RNF115: variants seen among roughly 807,000 people sequenced by gnomAD.
RNF115 encodes the protein E3 ubiquitin-protein ligase RNF115.
Under a neutral mutation model 39.2 loss-of-function variants are expected in RNF115, and 31 were observed. That is an observed-to-expected ratio of 0.79 (90% CI 0.59 to 1.07). RNF115 has a LOEUF of 1.07. Among genes scored for constraint, RNF115 ranks in the 50% least tolerant of loss-of-function variants. The pLI, the probability that RNF115 is intolerant of heterozygous loss-of-function variation, is 0.00. For synonymous variants in RNF115, 124 were observed against 131.0 expected (o/e 0.95, Z 0.37); for missense variants, 384 against 381.7 (o/e 1.01, Z -0.05).
At chr1:145,783,681 G>C (rs1030104762) in intron 3 of RNF115, among the ~76,000 whole-genome samples, 9 of 151,890 alleles carry the variant, frequency 5.9e-5, no homozygotes, top group Non-Finnish European at 1.3e-4. Flanking sequence ...GGCAATATAG[G>C]GTACACATAC....
intron 1 of RNF115, among the ~76,000 whole-genome samples, chr1:145,793,764 T>C (rs1448157189): frequency 9.2e-5 from 14 of 151,778 alleles, no homozygotes; most frequent in Non-Finnish European, 8.8e-5. Flanking sequence ...TTCCCACATC[T>C]ACATACTCCT....
At chr1:145,777,367 A>G (rs184305030) in intron 3 of RNF115, among the ~76,000 whole-genome samples, 2 of 152,342 alleles carry the variant, frequency 1.3e-5, no homozygotes, top group East Asian at 3.9e-4. Context: ...TAAAGGATCC[A>G]TGCTTAAAAA....
chr1:145,747,892 G>A, intron 8 of RNF115, 103 bp downstream of exon 8: 1 of 822,968 alleles, frequency 1.2e-6, no homozygotes, highest in Non-Finnish European at 2.1e-6. Context: ...AGTAAGCCAG[G>A]GATTTATGGG....
chr1:145,748,953 A>G (rs1447155794), intron 7 of RNF115, among the ~76,000 whole-genome samples: 2 of 152,160 alleles, frequency 1.3e-5, no homozygotes, highest in Admixed American at 6.5e-5. Flanking sequence ...ATACCAGAAA[A>G]GCTATACCAG....
chr1:145,814,199 G>A (rs1176106034), intron 1 of RNF115, among the ~76,000 whole-genome samples: 14 of 151,956 alleles, frequency 9.2e-5, no homozygotes, highest in African/African-American at 2.9e-4. Context: ...GGTGGAAGCC[G>A]CAGTGAGCCG....
chr1:145,777,136 T>C (rs1372766161), intron 3 of RNF115, among the ~76,000 whole-genome samples: 2 of 152,204 alleles, frequency 1.3e-5, no homozygotes, highest in African/African-American at 2.4e-5. Context: ...AGGTGAATTA[T>C]AAGAAATCTA....
At chr1:145,802,312 C>T (rs1419734008) in intron 1 of RNF115, among the ~76,000 whole-genome samples, 1 of 152,084 alleles carries the variant, frequency 6.6e-6, no homozygotes, top group Non-Finnish European at 1.5e-5. Context: ...TGCTTACCCA[C>T]TTAAAAGAAC....
At chr1:145,802,468 A>G (rs587767736) in intron 1 of RNF115, among the ~76,000 whole-genome samples, 4 of 152,278 alleles carry the variant, frequency 2.6e-5, no homozygotes, top group African/African-American at 9.6e-5. Flanking sequence ...ACAAATTCAG[A>G]CCTATTTATA....
intron 4 of RNF115, among the ~76,000 whole-genome samples, chr1:145,765,348 C>A: frequency 6.6e-6 from 1 of 151,982 alleles, no homozygotes; most frequent in Middle Eastern, 3.4e-3. Flanking sequence ...ATCTGCTGAC[C>A]TTCCCTCCAC....
At chr1:145,760,791 C>A (rs1553713732) in intron 4 of RNF115, among the ~76,000 whole-genome samples, 1 of 152,140 alleles carries the variant, frequency 6.6e-6, no homozygotes, top group Non-Finnish European at 1.5e-5. Flanking sequence ...GTGGAATTGA[C>A]TTTGGAACTA....
intron 4 of RNF115, among the ~76,000 whole-genome samples, chr1:145,765,798 T>C (rs1379571610): frequency 2.6e-5 from 4 of 152,182 alleles, no homozygotes; most frequent in Non-Finnish European, 5.9e-5. Flanking sequence ...ACTGAATAAA[T>C]ATTTGCAGAA....
intron 1 of RNF115, among the ~76,000 whole-genome samples, chr1:145,790,779 C>T: frequency 6.6e-6 from 1 of 151,958 alleles, no homozygotes; most frequent in East Asian, 1.9e-4. Context: ...TTCTTCAAAT[C>T]TAACAAAAAA....
chr1:145,759,446 C>T (rs1458289730), intron 4 of RNF115, among the ~76,000 whole-genome samples: 1 of 152,094 alleles, frequency 6.6e-6, no homozygotes, highest in African/African-American at 2.4e-5. Context: ...TGTTTTCAGG[C>T]CAAAAACCTT....
chr1:145,797,497 T>A (rs782641460), intron 1 of RNF115, among the ~76,000 whole-genome samples: 1 of 152,220 alleles, frequency 6.6e-6, no homozygotes, highest in Non-Finnish European at 1.5e-5. Context: ...TATTTCCTTT[T>A]TAAAGCTAAA....
intron 3 of RNF115, among the ~76,000 whole-genome samples, chr1:145,781,447 T>C (rs1437555891): frequency 1.3e-5 from 2 of 152,208 alleles, no homozygotes; most frequent in African/African-American, 4.8e-5. Context: ...AGCTTATGAA[T>C]ACTATTTTGA....
intron 1 of RNF115, among the ~76,000 whole-genome samples, chr1:145,809,460 T>C (rs1323998612): frequency 2.8e-4 from 40 of 143,226 alleles, no homozygotes; most frequent in Middle Eastern, 7.4e-3. Context: ...AGATTATAGG[T>C]GTGCGCCACT....
At chr1:145,778,802 T>C (rs1647992093) in intron 3 of RNF115, among the ~76,000 whole-genome samples, 2 of 152,202 alleles carry the variant, frequency 1.3e-5, no homozygotes, top group African/African-American at 4.8e-5. Flanking sequence ...GATTAGTGAA[T>C]AGCAAAGTCT....
rs782402926 is a variant in RNF115, at chr1:145,742,587, GCT to G, written c.*4277_*4278del. 11 of 152,262 alleles carry G rather than the reference GCT, an allele frequency of 7.2e-5. 1 individual carries two copies. Among genetic ancestry groups the G allele is most frequent in the East Asian group, 5.8e-4 (3 of 5,180 alleles). 9.4% of individuals were successfully genotyped at this position (152,262 alleles called of 1,614,324 possible). A position where few individuals can be genotyped will look rare whatever the true frequency, so the allele number is the denominator to read the frequency against. ...GAGAGAATCAGACTGTGAGGCTCCA[GCT>G]CTCTTCTGTATCCCTGCTCACTTTA... On this transcript the variant is annotated 3_prime_UTR_variant, in exon 9 of 9. Transcript: ENST00000582693.
chr1:145,790,715 A>C (rs1648625569), intron 1 of RNF115, among the ~76,000 whole-genome samples: 1 of 152,086 alleles, frequency 6.6e-6, no homozygotes, highest in South Asian at 2.1e-4. Flanking sequence ...TACAGGTGTG[A>C]GCCACCGTGC....
Sources: gnomAD v4.1 joint callset for allele counts (sites outside exome capture counted in the v4.1 genomes callset) on GRCh38, gnomAD v4.1.1 for gene constraint, MANE v1.5 for transcripts, NCBI Gene and HGNC (gene_info 2026-07-23, HGNC 2026-07-21) for gene names.